The following ZNF408 variants were observed in gnomAD, a reference collection of about 807,000 sequenced individuals.
ZNF408 encodes the protein zinc finger protein 408.
A neutral mutation model predicts 27.6 loss-of-function variants in ZNF408; 24 were observed. That is an observed-to-expected ratio of 0.87 (90% CI 0.63 to 1.22). ZNF408 has a LOEUF of 1.22. ZNF408 is among the 50% of genes most tolerant of loss of function. The pLI is 0.00. For synonymous variants in ZNF408, 410 were observed against 396.1 expected (o/e 1.04, Z -0.42); for missense variants, 897 against 949.0 (o/e 0.95, Z 0.72).
rs1236772000 is a variant in ZNF408 at position 46,704,843 on chromosome 11, T to C, written c.1143T>C (p.Phe381=). The part of the protein sequence containing the change: ...HAFVHTGHKP[F]LCTECGKSYS... ...TTGTGCACACGGGCCACAAGCCCTT[T>C]CTTTGCACTGAGTGTGGCAAGAGCT... The change falls in exon 5 of 5, where the codon TTT becomes TTC. Residue 381 remains phenylalanine (F), a synonymous_variant. Coordinates refer to ENST00000311764, the MANE Select transcript of ZNF408 (RefSeq NM_024741.3). 3 of 1,601,570 alleles carry C rather than the reference T, an allele frequency of 1.9e-6. No individual in the cohort carries two copies. The highest frequency in any genetic ancestry group is 2.6e-6 in the Non-Finnish European group (3 of 1,173,738).
At chr11:46,701,823 C>G (rs1355958564) in intron 2 of ZNF408, 147 bp downstream of exon 2, 1 of 1,025,110 alleles carries the variant, frequency 9.8e-7, no homozygotes, top group African/African-American at 1.6e-5. Context: ...TGTCTCCTCT[C>G]AGCAGCAGTA....
At chr11:46,703,291 C>T (rs1302963764) in intron 4 of ZNF408, 48 bp downstream of exon 4, 18 of 1,570,344 alleles carry the variant, frequency 1.1e-5, no homozygotes, top group Non-Finnish European at 1.6e-5. Flanking sequence ...CCCACCAAAA[C>T]AACCTGTTGA....
chr11:46,701,120 G>T, intron 1 of ZNF408, 21 bp downstream of exon 1: 1 of 1,614,020 alleles, frequency 6.2e-7, no homozygotes, highest in Non-Finnish European at 8.5e-7. Context: ...TGCGATGTCC[G>T]CGACCCTCAA....
chr11:46,702,938 C>T (rs1274486526), intron 3 of ZNF408, 46 bp from the exon 4 acceptor site: 1 of 1,609,128 alleles, frequency 6.2e-7, no homozygotes, highest in Non-Finnish European at 8.5e-7. Flanking sequence ...GGGAAGACCA[C>T]TTGAATAGTG....
chr11:46,703,114 T>G lies in ZNF408; in HGVS notation c.523T>G (p.Ser175Ala). 1 of 1,612,272 alleles carries G rather than the reference T, an allele frequency of 6.2e-7. No homozygotes were observed. The highest frequency in any genetic ancestry group is 8.5e-7 in the Non-Finnish European group (1 of 1,179,336). Residue 175 changes from serine (S) to alanine (A), a missense_variant, in exon 4 of 5, where the codon TCT becomes GCT. Physicochemically the swap from Ser to Ala is moderately conservative, Grantham distance 99. Transcript: ENST00000311764. The part of the protein sequence containing the change: ...SELLLWPQPS[S>A]EGPSLTQPGL... ...ACTGCTGCTGTGGCCCCAGCCTTCC[T>G]CTGAGGGCCCAAGTCTCACCCAGCC...
In ZNF408 at chr11:46,702,730, CGT is replaced by C. The variant is rs875989821; in HGVS notation, c.363_364del (p.Ala122LeufsTer2). On this transcript the variant is annotated frameshift_variant, in exon 3 of 5. Transcript: ENST00000311764. LOFTEE classifies it high-confidence loss of function. ...ENLSLGPWGDVCACEQSSGWT... is the reference protein window; with the variant it reads ...ENLSLGPWGDXCACEQSSGWT... ...ACCTGTCATTAGGCCCATGGGGAGACGTGTGTGCCTGTGAGCAGAGTTCTGGC... is the reference window on the plus strand; with the variant it reads ...ACCTGTCATTAGGCCCATGGGGAGACGTGTGCCTGTGAGCAGAGTTCTGGC... 1 of 1,614,024 alleles carries C rather than the reference CGT, an allele frequency of 6.2e-7. No individual in the cohort carries two copies. The highest frequency in any genetic ancestry group is 1.7e-5 in the Admixed American group (1 of 59,976).
At position 46,701,442 on chromosome 11, in the gene ZNF408, C is replaced by T; in HGVS notation, c.96C>T (p.Ser32=). Reference sequence around the variant, plus strand: ...GCCTGGACTTAGGATGGAACCCTTCCGGAGAAGGCTGTACGCAGGGCCTCA... The same window carrying T: ...GCCTGGACTTAGGATGGAACCCTTCTGGAGAAGGCTGTACGCAGGGCCTCA... ...RLGLDLGWNP[S]GEGCTQGLKD... The change falls in exon 2 of 5, where the codon TCC becomes TCT. Residue 32 remains serine, a synonymous_variant. Coordinates refer to ENST00000311764, the MANE Select transcript of ZNF408 (RefSeq NM_024741.3). 5 of 1,614,022 alleles carry T rather than the reference C, an allele frequency of 3.1e-6. No individual in the cohort carries two copies. Among genetic ancestry groups the T allele is most frequent in the Non-Finnish European group, 4.2e-6 (5 of 1,180,016 alleles).
At chr11:46,702,633 C>CTAG in intron 2 of ZNF408, 71 bp from the exon 3 acceptor site, 1 of 1,507,980 alleles carries the variant, frequency 6.6e-7, no homozygotes, top group Non-Finnish European at 9.1e-7. Flanking sequence ...AAAGTTTCAT[C>CTAG]TAGTTTCTTT....
chr11:46,702,637 T>C, intron 2 of ZNF408, 67 bp from the exon 3 acceptor site: 2 of 1,531,878 alleles, frequency 1.3e-6, no homozygotes, highest in Non-Finnish European at 1.8e-6. Context: ...TTTCATCTAG[T>C]TTCTTTTTTT....
Position 46,701,632 on chromosome 11 carries a change from G to T in ZNF408, c.286G>T (p.Ala96Ser). ...GTGGGGGCCGCTGGAAGAGGAGTCT[G>T]CCTCCAAGGAGAAGGGCGAGGGAGT... ...LLWGPLEEES[A>S]SKEKGEGVKP... The change falls in exon 2 of 5, where the codon GCC (alanine) becomes TCC (serine). Residue 96 changes from alanine to serine, a missense_variant. By Grantham distance (99) the Ala-to-Ser change is moderately conservative. Coordinates refer to ENST00000311764, the MANE Select transcript of ZNF408 (RefSeq NM_024741.3). The T allele has an allele frequency of 6.2e-7, 1 of 1,605,492 alleles. No individual in the cohort carries two copies. Among genetic ancestry groups the T allele is most frequent in the South Asian group, 1.1e-5 (1 of 90,868 alleles).
Position 46,705,149 on chromosome 11 carries a change from G to C in ZNF408, c.1449G>C (p.Leu483=), listed in dbSNP as rs756575658. The C allele has an allele frequency of 5.0e-6, 8 of 1,611,288 alleles. No individual in the cohort carries two copies. Among genetic ancestry groups the C allele is most frequent in the African/African-American group, 1.3e-5 (1 of 74,950 alleles). ...GGCCCCTGGCCAACCAGGGCTCCCT[G>C]CGGAACCATATGAGGCTCCATACAG... ...CGRPLANQGS[L]RNHMRLHTGE... is the part of the protein sequence containing the mutation. Residue 483 remains leucine (L), a synonymous_variant, in exon 5 of 5, where the codon CTG becomes CTC. Coordinates refer to ENST00000311764, the MANE Select transcript of ZNF408 (RefSeq NM_024741.3). This position sits in a 1 kb window ranked among gnomAD's most constrained non-coding sequence, Gnocchi z 6.5.
chr11:46,705,612 C>T lies in ZNF408; in HGVS notation c.1912C>T (p.Pro638Ser). Residue 638 changes from proline (P) to serine (S), a missense_variant, in exon 5 of 5, where the codon CCC (proline) becomes TCC (serine). Coordinates refer to ENST00000311764, the MANE Select transcript of ZNF408 (RefSeq NM_024741.3). The surrounding 1 kb of genome is among the most constrained non-coding windows in gnomAD (Gnocchi z 6.5). ...CCGGCCTGAGGCACCCTGCAGCCCA[C>T]CCTCTGTGCCTTCTGCTGCTTCTGA... ...SHRPEAPCSP[P>S]SVPSAASEPT... 2 of 1,611,794 alleles carry T rather than the reference C, an allele frequency of 1.2e-6. No individual in the cohort carries two copies. Among genetic ancestry groups the T allele is most frequent in the Non-Finnish European group, 1.7e-6 (2 of 1,180,024 alleles).
chr11:46,705,753 T>C lies in ZNF408; in HGVS notation c.2053T>C (p.Cys685Arg). The change falls in exon 5 of 5, where the codon TGC becomes CGC. Residue 685 changes from cysteine (C) to arginine (R), a missense_variant. Transcript: ENST00000311764. The surrounding 1 kb of genome is among the most constrained non-coding windows in gnomAD (Gnocchi z 6.5). Reference protein sequence around the residue: ...EVTISESQEKCFVVPEEPDAA... With the variant: ...EVTISESQEKRFVVPEEPDAA... Reference sequence around the variant, plus strand: ...CACCATTTCAGAAAGCCAGGAGAAGTGCTTTGTGGTGCCAGAGGAGCCAGA... The same window carrying C: ...CACCATTTCAGAAAGCCAGGAGAAGCGCTTTGTGGTGCCAGAGGAGCCAGA... The C allele has an allele frequency of 6.2e-7, 1 of 1,611,330 alleles. No individual in the cohort carries two copies. Among genetic ancestry groups the C allele is most frequent in the Non-Finnish European group, 8.5e-7 (1 of 1,178,902 alleles).
At chr11:46,701,263 T>C (rs1356444542) in intron 1 of ZNF408, 136 bp from the exon 2 acceptor site, 1 of 1,560,044 alleles carries the variant, frequency 6.4e-7, no homozygotes, top group Non-Finnish European at 8.8e-7. Context: ...CCTCAAAACT[T>C]TCAGGGCCCT....
chr11:46,705,093 C>T lies in ZNF408; in HGVS notation c.1393C>T (p.Pro465Ser). 1 of 1,612,350 alleles carries T rather than the reference C, an allele frequency of 6.2e-7. No homozygotes were observed. Among genetic ancestry groups the T allele is most frequent in the South Asian group, 1.1e-5 (1 of 91,074 alleles). ...HRKTHQVPAAPAPCPCPVCGR... is the reference protein window; with the variant it reads ...HRKTHQVPAASAPCPCPVCGR... ...CAAGACCCACCAGGTGCCAGCTGCC[C>T]CTGCCCCTTGCCCATGCCCTGTGTG... The change falls in exon 5 of 5, where the codon CCT (proline) becomes TCT (serine). Residue 465 changes from proline to serine, a missense_variant. By Grantham distance (74) the Pro-to-Ser change is moderately conservative. Transcript: ENST00000311764. The surrounding 1 kb of genome is among the most constrained non-coding windows in gnomAD (Gnocchi z 6.5).
At position 46,704,998 on chromosome 11, in the gene ZNF408, G is replaced by A. The variant is rs780850451; in HGVS notation, c.1298G>A (p.Gly433Asp). Reference protein sequence around the residue: ...DLKEHQVVHSGARPFACDQCG... With the variant: ...DLKEHQVVHSDARPFACDQCG... ...AAAGAGCACCAGGTGGTACATTCAG[G>A]TGCCCGGCCCTTTGCTTGTGACCAG... Residue 433 changes from glycine to aspartate, a missense_variant, in exon 5 of 5, where the codon GGT becomes GAT. Transcript: ENST00000311764. 4.4e-5 allele frequency: 71 copies of A among 1,613,172 alleles called. No homozygotes were observed. The highest frequency in any genetic ancestry group is 6.7e-5 in the Admixed American group (4 of 59,996).
Position 46,705,011 on chromosome 11 carries a change from T to A in ZNF408, c.1311T>A (p.Phe437Leu). 1 of 1,613,360 alleles carries A rather than the reference T, an allele frequency of 6.2e-7. No individual in the cohort carries two copies. The highest frequency in any genetic ancestry group is 8.5e-7 in the Non-Finnish European group (1 of 1,180,018). ...TGGTACATTCAGGTGCCCGGCCCTT[T>A]GCTTGTGACCAGTGTGGCAAGGCCT... ...HQVVHSGARPFACDQCGKAFA... is the reference protein window; with the variant it reads ...HQVVHSGARPLACDQCGKAFA... The change falls in exon 5 of 5, where the codon TTT (phenylalanine) becomes TTA (leucine). Residue 437 changes from phenylalanine to leucine, a missense_variant. Transcript: ENST00000311764. The surrounding 1 kb of genome is among the most constrained non-coding windows in gnomAD (Gnocchi z 6.5).
Position 46,703,029 on chromosome 11 carries a change from A to C in ZNF408, c.438A>C (p.Pro146=). 1.2e-6 allele frequency: 2 copies of C among 1,614,064 alleles called. No individual in the cohort carries two copies. The highest frequency in any genetic ancestry group is 1.1e-5 in the South Asian group (1 of 91,080). Reference sequence around the variant, plus strand: ...TGGAGAGTGAGGGAAATGTGGCCCCAGTGCGGATCAGCGAGAGGCTTCATC... The same window carrying C: ...TGGAGAGTGAGGGAAATGTGGCCCCCGTGCGGATCAGCGAGAGGCTTCATC... ...GRLESEGNVA[P]VRISERLHLQ... is the part of the protein sequence containing the mutation. Residue 146 remains proline (P), a synonymous_variant, in exon 4 of 5, where the codon CCA becomes CCC. Coordinates refer to ENST00000311764, the MANE Select transcript of ZNF408 (RefSeq NM_024741.3).
Position 46,704,836 on chromosome 11 carries a change from A to G in ZNF408, c.1136A>G (p.Lys379Arg). 6.2e-7 allele frequency: 1 copy of G among 1,601,278 alleles called. No individual in the cohort carries two copies. The highest frequency in any genetic ancestry group is 2.2e-5 in the East Asian group (1 of 44,748). The change falls in exon 5 of 5, where the codon AAG becomes AGG. Residue 379 changes from lysine (K) to arginine (R), a missense_variant. Physicochemically the swap from Lys to Arg is conservative, Grantham distance 26. Transcript: ENST00000311764. Reference sequence around the variant, plus strand: ...CACGCATTTGTGCACACGGGCCACAAGCCCTTTCTTTGCACTGAGTGTGGC... The same window carrying G: ...CACGCATTTGTGCACACGGGCCACAGGCCCTTTCTTTGCACTGAGTGTGGC... ...KKHAFVHTGH[K>R]PFLCTECGKS...
Sources: allele counts gnomAD v4.1 joint callset, GRCh38; gene constraint gnomAD v4.1.1; non-coding constraint Gnocchi (gnomAD v3.1); transcripts MANE v1.5; gene names NCBI Gene and HGNC (gene_info 2026-07-23, HGNC 2026-07-21).